The following GRM7 variants were observed in gnomAD, a reference collection of about 807,000 sequenced individuals.
GRM7 encodes the protein glutamate metabotropic receptor 7.
GRM7 carries 35 observed loss-of-function variants against 84.5 expected under a neutral mutation model. That is an observed-to-expected ratio of 0.41 (90% CI 0.32 to 0.55). The LOEUF (loss-of-function observed/expected upper bound fraction) is 0.55. Ranked by LOEUF, GRM7 falls within the 20% of genes least tolerant of loss-of-function variation. The pLI is 0.19. For synonymous variants in GRM7, 487 were observed against 455.1 expected (o/e 1.07, Z -0.89); for missense variants, 1,003 against 1,194.6 (o/e 0.84, Z 2.36).
chr3:7,003,167 T>C (rs959386962), intron 1 of GRM7, among the ~76,000 whole-genome samples: 5 of 152,180 alleles, frequency 3.3e-5, no homozygotes, highest in African/African-American at 1.2e-4. Flanking sequence ...TTTAGTGATC[T>C]ATTGCACTGC....
chr3:7,376,514 A>G (rs1378857922), intron 4 of GRM7, among the ~76,000 whole-genome samples: 1 of 152,176 alleles, frequency 6.6e-6, no homozygotes, highest in African/African-American at 2.4e-5. Context: ...GAGAACACAT[A>G]TATGGAGCCT....
At chr3:7,145,054 C>G (rs1257006405) in intron 1 of GRM7, among the ~76,000 whole-genome samples, 1 of 152,110 alleles carries the variant, frequency 6.6e-6, no homozygotes, top group Non-Finnish European at 1.5e-5. Context: ...TAGCCTTAAA[C>G]TATGGCAAAT....
rs373419058 is a variant in GRM7 at position 7,099,541 on chromosome 3, A to G, written c.520-46911A>G. ...GTATATGTACACGCATTATACATGT[A>G]CACATATATGTATATGTACACGCAT... On this transcript the variant is annotated intron_variant, in intron 1 of 9. Transcript: ENST00000357716. 7.9e-3 allele frequency among the ~76,000 whole-genome samples: 697 copies of G among 87,968 alleles called. 3 individuals are homozygous for G. Among genetic ancestry groups the G allele is most frequent in the Middle Eastern group, 0.055 (7 of 128 alleles). 57.7% of individuals were successfully genotyped at this position (87,968 alleles called of 152,430 possible).
intron 2 of GRM7, among the ~76,000 whole-genome samples, chr3:7,249,526 A>AT (rs1697899615): frequency 6.6e-6 from 1 of 152,182 alleles, no homozygotes; most frequent in Non-Finnish European, 1.5e-5. Flanking sequence ...GTGGTATATG[A>AT]TTTTTTGAAA....
At chr3:7,738,835 G>T (rs1461869890) in intron 9 of GRM7, among the ~76,000 whole-genome samples, 1 of 151,326 alleles carries the variant, frequency 6.6e-6, no homozygotes, top group Non-Finnish European at 1.5e-5. Context: ...TTCTAGCTAT[G>T]ACACTGAAAA....
intron 1 of GRM7, among the ~76,000 whole-genome samples, chr3:7,051,791 C>A (rs57161276): frequency 0.13 from 19,277 of 151,544 alleles, 1,684 homozygotes; most frequent in African/African-American, 0.25. Context: ...TTGAACAGAA[C>A]AATATTTTTA....
intron 1 of GRM7, among the ~76,000 whole-genome samples, chr3:6,981,240 G>GA (rs1468550402): frequency 6.6e-6 from 1 of 152,136 alleles, no homozygotes; most frequent in African/African-American, 2.4e-5. Flanking sequence ...CTCTTATAAA[G>GA]AAAAAATATC....
In GRM7 at chr3:7,351,110, A is replaced by G. The variant is rs377743650; in HGVS notation, c.1033+44458A>G. ...CCAGTCAGGTCTCACTCTGAAGCCA[A>G]TGATATTTGTCTTCTCTCATAGAAA... On this transcript the variant is annotated intron_variant, in intron 4 of 9. Coordinates refer to ENST00000357716, the MANE Select transcript of GRM7 (RefSeq NM_000844.4). Among the ~76,000 whole-genome samples, 10 of 152,216 alleles carry G rather than the reference A, an allele frequency of 6.6e-5. No homozygotes were observed. The East Asian group carries it at 7.8e-4, about 12-fold the overall frequency.
chr3:7,400,795 T>A (rs1321522059), intron 4 of GRM7, among the ~76,000 whole-genome samples: 1 of 152,206 alleles, frequency 6.6e-6, no homozygotes, highest in African/African-American at 2.4e-5. Context: ...TCAGGTAGAC[T>A]GTATTCAGAT....
chr3:7,520,312 C>T (rs1267512608), intron 7 of GRM7: 2 of 152,104 alleles, frequency 1.3e-5, no homozygotes, highest in Non-Finnish European at 2.9e-5. Context: ...AAGAAAAAGG[C>T]AGGCAAGTTC....
At chr3:7,453,722 T>A (rs1297815788) in intron 6 of GRM7, among the ~76,000 whole-genome samples, 3 of 152,030 alleles carry the variant, frequency 2.0e-5, no homozygotes, top group Non-Finnish European at 4.4e-5. Flanking sequence ...GGGCCTTTTA[T>A]GAAGATTTCA....
At position 7,588,419 on chromosome 3, in the gene GRM7, C is replaced by T. The variant is rs190539552; in HGVS notation, c.2451+9062C>T. On this transcript the variant is annotated intron_variant, in intron 8 of 9. Coordinates refer to ENST00000357716, the MANE Select transcript of GRM7 (RefSeq NM_000844.4). Reference sequence around the variant, plus strand: ...TCAGGACCACATTCGGCTCTGTTCGCCTGGCTGGGTTTGGCCATAAAGTTT... The same window carrying T: ...TCAGGACCACATTCGGCTCTGTTCGTCTGGCTGGGTTTGGCCATAAAGTTT... Among the ~76,000 whole-genome samples, 220 of 152,302 alleles carry T rather than the reference C, an allele frequency of 1.4e-3. 1 individual carries two copies. Among genetic ancestry groups the T allele is most frequent in the African/African-American group, 4.8e-3 (199 of 41,554 alleles).
chr3:7,319,673 A>G (rs1298970804), intron 4 of GRM7, among the ~76,000 whole-genome samples: 1 of 152,048 alleles, frequency 6.6e-6, no homozygotes, highest in African/African-American at 2.4e-5. Context: ...CCTGCCTGAT[A>G]CCATTAGTAA....
At chr3:7,526,314 C>T (rs1470789366) in intron 7 of GRM7, among the ~76,000 whole-genome samples, 1 of 151,790 alleles carries the variant, frequency 6.6e-6, no homozygotes, top group Non-Finnish European at 1.5e-5. Flanking sequence ...TTTTTTTTCC[C>T]CTGTACTTAT....
chr3:6,898,920 A>G (rs889191753), intron 1 of GRM7, among the ~76,000 whole-genome samples: 1 of 152,162 alleles, frequency 6.6e-6, no homozygotes, highest in African/African-American at 2.4e-5. Context: ...TTGCCACAGT[A>G]GAGTATGGGC....
chr3:7,492,610 G>A (rs2124952540), intron 7 of GRM7, among the ~76,000 whole-genome samples: 1 of 152,096 alleles, frequency 6.6e-6, no homozygotes, highest in East Asian at 1.9e-4. Context: ...TGAGTTTTGT[G>A]ATAATTCTAT....
chr3:7,499,285 C>T (rs1699806515), intron 7 of GRM7, among the ~76,000 whole-genome samples: 1 of 152,160 alleles, frequency 6.6e-6, no homozygotes, highest in Admixed American at 6.5e-5. Context: ...CTAACCTAGC[C>T]TTGGGAGATA....
chr3:7,304,305 A>T (rs1314945125), intron 3 of GRM7, among the ~76,000 whole-genome samples: 39,815 of 97,088 alleles, frequency 0.41, 7,267 homozygotes, highest in East Asian at 0.49. Flanking sequence ...TCCATCATCC[A>T]TCCTTTTTTT....
chr3:6,894,366 T>C (rs9876241), intron 1 of GRM7, among the ~76,000 whole-genome samples: 23,755 of 152,168 alleles, frequency 0.16, 2,045 homozygotes, highest in African/African-American at 0.21. Flanking sequence ...TCAAATGTAC[T>C]GCAATAATGA....
Sources: allele counts gnomAD v4.1 joint callset (sites outside exome capture counted in the v4.1 genomes callset), GRCh38; gene constraint gnomAD v4.1.1; transcripts MANE v1.5; gene names NCBI Gene and HGNC (gene_info 2026-07-23, HGNC 2026-07-21).